HEATR1: variants seen among roughly 807,000 people sequenced by gnomAD.
HEATR1 encodes HEAT repeat containing 1, also known as HEAT repeat-containing protein 1.
Under a neutral mutation model 248.2 loss-of-function variants are expected in HEATR1, and 77 were observed. The observed-to-expected ratio is 0.31, with a 90% CI of 0.26 to 0.37. HEATR1 has a LOEUF of 0.37. HEATR1 is among the 10% of genes least tolerant of loss of function. HEATR1 has a pLI of 1.00. For synonymous variants in HEATR1, 897 were observed against 923.1 expected (o/e 0.97, Z 0.51); for missense variants, 2,420 against 2,504.9 (o/e 0.97, Z 0.72).
rs1662603228 is a variant in HEATR1, at chr1:236,549,294, A to ATTAT, written c.*1604_*1607dup. On this transcript the variant is annotated 3_prime_UTR_variant, in exon 45 of 45. Coordinates refer to ENST00000366582, the MANE Select transcript of HEATR1 (RefSeq NM_018072.6). ...ATGGTTCCATTTCTGTGATTTTTCT[A>ATTAT]TTATTTGAGGGGAGTTGGCAGAAGT... The ATTAT allele has an allele frequency of 4.0e-6, 1 of 252,296 alleles. No homozygotes were observed. Among genetic ancestry groups the ATTAT allele is most frequent in the African/African-American group, 2.2e-5 (1 of 45,252 alleles). The allele number at this position is 252,296 out of a possible 1,614,324, so 15.6% of individuals were successfully genotyped here. A position where few individuals can be genotyped will look rare whatever the true frequency, so the allele number is the denominator to read the frequency against.
intron 3 of HEATR1, among the ~76,000 whole-genome samples, chr1:236,602,009 T>G (rs1243560277): frequency 2.0e-5 from 3 of 150,688 alleles, no homozygotes; most frequent in African/African-American, 7.3e-5. Flanking sequence ...CGTAGTGGTA[T>G]GTGCCTGTAA....
rs534946113 is a variant in HEATR1, at chr1:236,590,862, G to C, written c.1515C>G (p.Ile505Met). 2 of 1,502,042 alleles carry C rather than the reference G, an allele frequency of 1.3e-6. No homozygotes were observed. Among genetic ancestry groups the C allele is most frequent in the South Asian group, 1.4e-5 (1 of 72,544 alleles). The allele number at this position is 1,502,042 out of a possible 1,614,324, so 93.0% of individuals were successfully genotyped here. A position where few individuals can be genotyped will look rare whatever the true frequency, so the allele number is the denominator to read the frequency against. ...TGAAACAAACCTTTGATGTTTTCAT[G>C]ATCTTTTTCAAATGATTCATGGCCA... Reference protein sequence around the residue: ...RILAMNHLKKIMKTSKEGVDE... With the variant: ...RILAMNHLKKMMKTSKEGVDE... Residue 505 changes from isoleucine to methionine, a missense_variant, in exon 12 of 45, where the codon ATC becomes ATG. By Grantham distance (10) the Ile-to-Met change is conservative (BLOSUM62 1). Coordinates refer to ENST00000366582, the MANE Select transcript of HEATR1 (RefSeq NM_018072.6).
At chr1:236,575,427 C>T (rs1267144960) in intron 22 of HEATR1, among the ~76,000 whole-genome samples, 1 of 152,186 alleles carries the variant, frequency 6.6e-6, no homozygotes, top group Non-Finnish European at 1.5e-5. Context: ...TCTGTGGCTG[C>T]TTTCCTGATA....
intron 12 of HEATR1, among the ~76,000 whole-genome samples, chr1:236,588,529 C>T (rs976173159): frequency 7.9e-5 from 12 of 152,192 alleles, no homozygotes; most frequent in African/African-American, 2.7e-4. Context: ...AAATACATGT[C>T]AGTCTGTAGC....
chr1:236,571,515 C>T, intron 27 of HEATR1, 43 bp from the exon 28 acceptor site: 1 of 1,613,516 alleles, frequency 6.2e-7, no homozygotes, highest in Non-Finnish European at 8.5e-7. Flanking sequence ...GGCAGGTACA[C>T]TCACGCTCAA....
At chr1:236,561,096 G>T in intron 33 of HEATR1, 129 bp downstream of exon 33, 1 of 705,954 alleles carries the variant, frequency 1.4e-6, no homozygotes, top group Non-Finnish European at 2.4e-6. Flanking sequence ...GGCAAATGTG[G>T]CAGAAAGTAT....
rs754869104 is a variant in HEATR1, at chr1:236,556,094, T to C, written c.5514+6A>G. Reference sequence around the variant, plus strand: ...TCCAAAGTCTTAATACCCAATAAGATCTAACCTTCCAGTTCTTCTCAATCT... The same window carrying C: ...TCCAAAGTCTTAATACCCAATAAGACCTAACCTTCCAGTTCTTCTCAATCT... On this transcript the variant is annotated splice_donor_region_variant and intron_variant, in intron 38 of 44. Coordinates refer to ENST00000366582, the MANE Select transcript of HEATR1 (RefSeq NM_018072.6). 6.2e-7 allele frequency: 1 copy of C among 1,614,170 alleles called. No individual in the cohort carries two copies. Among genetic ancestry groups the C allele is most frequent in the Non-Finnish European group, 8.5e-7 (1 of 1,180,028 alleles).
Position 236,599,510 on chromosome 1 carries a change from G to C in HEATR1, c.474C>G (p.His158Gln). ...TAACTGGCAACAACCAGAACCATCT[G>C]TGCTTTGAATTATTAATTTTTAGAA... The part of the protein sequence containing the change: ...IQLLKINNSK[H>Q]RWFWLLPVKQ... The change falls in exon 4 of 45, where the codon CAC becomes CAG. Residue 158 changes from histidine to glutamine, a missense_variant. Transcript: ENST00000366582. 1 of 1,613,632 alleles carries C rather than the reference G, an allele frequency of 6.2e-7. No homozygotes were observed. The highest frequency in any genetic ancestry group is 8.5e-7 in the Non-Finnish European group (1 of 1,179,776).
At chr1:236,597,244 A>AT (rs918663763) in intron 5 of HEATR1, among the ~76,000 whole-genome samples, 68 of 140,566 alleles carry the variant, frequency 4.8e-4, no homozygotes, top group Non-Finnish European at 8.3e-4. Context: ...TAACATTTTT[A>AT]TTTAAAAAAA....
rs1311221867 is a variant in HEATR1, at chr1:236,592,063, A to G, written c.1352T>C (p.Ile451Thr). ...AAGCTCTTGTTTTTTCAGATCTGCA[A>G]TTTCCTTTAAGTGTTCCTCTAATAC... ...DVVLEEHLKE[I>T]ADLKKQELFH... The change falls in exon 11 of 45, where the codon ATT becomes ACT. Residue 451 changes from isoleucine (I) to threonine (T), a missense_variant. Physicochemically the swap from Ile to Thr is moderately conservative, Grantham distance 89. Coordinates refer to ENST00000366582, the MANE Select transcript of HEATR1 (RefSeq NM_018072.6). 2 of 1,609,082 alleles carry G rather than the reference A, an allele frequency of 1.2e-6. No homozygotes were observed. The highest frequency in any genetic ancestry group is 1.7e-5 in the Admixed American group (1 of 59,970).
At chr1:236,551,798 CTT>C in intron 44 of HEATR1, 199 bp downstream of exon 44, 1 of 538,342 alleles carries the variant, frequency 1.9e-6, no homozygotes, top group South Asian at 2.4e-5. Flanking sequence ...GAGGTGGTCA[CTT>C]CGCAACTTGC....
In HEATR1 at chr1:236,592,390, G is replaced by A. The variant is rs2794758; in HGVS notation, c.1304+133C>T. ...TCAAATATTTTTGATTCCGATACTC[G>A]CCCCTTCTTGAAGAACAAATTTAAA... On this transcript the variant is annotated intron_variant, in intron 10 of 44. Coordinates refer to ENST00000366582, the MANE Select transcript of HEATR1 (RefSeq NM_018072.6). 394,897 of 598,746 alleles carry A rather than the reference G, an allele frequency of 0.66. 133,451 individuals are homozygous for A. Among genetic ancestry groups the A allele is most frequent in the Non-Finnish European group, 0.71 (234,135 of 331,306 alleles). The allele number at this position is 598,746 out of a possible 1,614,324, so 37.1% of individuals were successfully genotyped here.
rs935691514 is a variant in HEATR1 at position 236,550,178 on chromosome 1, A to G, written c.*724T>C. 1 of 152,228 alleles carries G rather than the reference A, an allele frequency of 6.6e-6. No homozygotes were observed. Among genetic ancestry groups the G allele is most frequent in the Admixed American group, 6.5e-5 (1 of 15,282 alleles). 9.4% of individuals were successfully genotyped at this position (152,228 alleles called of 1,614,324 possible). ...TAGTTCTTAGTTAACCACCAATGGA[A>G]CTGGGTTCATTCTGAATCCTGGAGG... On this transcript the variant is annotated 3_prime_UTR_variant, in exon 45 of 45. Coordinates refer to ENST00000366582, the MANE Select transcript of HEATR1 (RefSeq NM_018072.6).
intron 31 of HEATR1, 123 bp from the exon 32 acceptor site, chr1:236,564,784 G>A (rs915176912): frequency 3.3e-6 from 3 of 916,580 alleles, no homozygotes; most frequent in Non-Finnish European, 3.2e-6. Flanking sequence ...AGAGAAATGT[G>A]TTCATCTATT....
rs780122575 is a variant in HEATR1 at position 236,576,308 on chromosome 1, T to A, written c.2995A>T (p.Thr999Ser). ...KLKSHQKLSE[T>S]LKNLLSCVYS... Reference sequence around the variant, plus strand: ...ACACAACTAAGTAAGTTTTTCAAAGTTTCAGACAACTTCTGATGAGATTTC... The same window carrying A: ...ACACAACTAAGTAAGTTTTTCAAAGATTCAGACAACTTCTGATGAGATTTC... The change falls in exon 22 of 45, where the codon ACT becomes TCT. Residue 999 changes from threonine to serine, a missense_variant. Coordinates refer to ENST00000366582, the MANE Select transcript of HEATR1 (RefSeq NM_018072.6). The A allele has an allele frequency of 1.4e-5, 22 of 1,612,440 alleles. No individual in the cohort carries two copies. In the Middle Eastern group the frequency reaches 2.8e-3, roughly 206 times the overall value.
chr1:236,576,243 T>G lies in HEATR1; in HGVS notation c.3060A>C (p.Lys1020Asn). 2.5e-6 allele frequency: 4 copies of G among 1,604,604 alleles called. No individual in the cohort carries two copies. The South Asian group carries it at 4.5e-5, about 18-fold the overall frequency. Residue 1020 changes from lysine (K) to asparagine (N), a missense_variant, in exon 22 of 45, where the codon AAA becomes AAC. Transcript: ENST00000366582. Reference protein sequence around the residue: ...CPSYIAKDLMKVLQGVNGEMV... With the variant: ...CPSYIAKDLMNVLQGVNGEMV... ...CCTCACCGTTGACTCCCTGAAGTAC[T>G]TTCATCAAATCTTTTGCTATATAAG...
chr1:236,585,937 A>G lies in HEATR1; in HGVS notation c.1932T>C (p.Leu644=), dbSNP rs1355888255. Residue 644 remains leucine, a synonymous_variant, in exon 16 of 45, where the codon CTT becomes CTC. Coordinates refer to ENST00000366582, the MANE Select transcript of HEATR1 (RefSeq NM_018072.6). ...GCTTTGTGCTTTTAATTACATTTTC[A>G]AGAGCTGTAAAGTAAAATCGAATGC... ...HPLLRGWEEA[L]ENVIKSTKPG... is the part of the protein sequence containing the mutation. 2 of 1,613,240 alleles carry G rather than the reference A, an allele frequency of 1.2e-6. No homozygotes were observed. Among genetic ancestry groups the G allele is most frequent in the South Asian group, 2.2e-5 (2 of 91,018 alleles).
rs1158688181 is a variant in HEATR1, at chr1:236,549,482, A to ATAT, written c.*1417_*1419dup. ...GGAATATTTTCAGAACAGATTTTAG[A>ATAT]TATTATTTCTATCCATATATTGAAA... On this transcript the variant is annotated 3_prime_UTR_variant, in exon 45 of 45. Transcript: ENST00000366582. The ATAT allele has an allele frequency of 2.0e-5, 3 of 152,674 alleles. No homozygotes were observed. The highest frequency in any genetic ancestry group is 2.0e-4 in the Admixed American group (3 of 15,308). The allele number at this position is 152,674 out of a possible 1,614,324, so 9.5% of individuals were successfully genotyped here. A position where few individuals can be genotyped will look rare whatever the true frequency, so the allele number is the denominator to read the frequency against.
At position 236,587,474 on chromosome 1, in the gene HEATR1, A is replaced by T. The variant is rs753971634; in HGVS notation, c.1643T>A (p.Phe548Tyr). 8 of 1,518,338 alleles carry T rather than the reference A, an allele frequency of 5.3e-6. No individual in the cohort carries two copies. Among genetic ancestry groups the T allele is most frequent in the Non-Finnish European group, 7.1e-6 (8 of 1,125,718 alleles). The allele number at this position is 1,518,338 out of a possible 1,614,324, so 94.1% of individuals were successfully genotyped here. Residue 548 changes from phenylalanine (F) to tyrosine (Y), a missense_variant, in exon 14 of 45, where the codon TTC becomes TAC. Physicochemically the swap from Phe to Tyr is conservative, Grantham distance 22. Transcript: ENST00000366582. The part of the protein sequence containing the change: ...ISAFEIFKEH[F>Y]SSEVTISNLL... ...ATTTGAAATCGTCACTTCTGAACTG[A>T]AGTGTTCTTTGAAAATCTAAAGGGA...
Sources: allele counts gnomAD v4.1 joint callset (sites outside exome capture counted in the v4.1 genomes callset), GRCh38; gene constraint gnomAD v4.1.1; transcripts MANE v1.5; gene names NCBI Gene and HGNC (gene_info 2026-07-23, HGNC 2026-07-21).